The following NCKAP1 variants were observed in gnomAD, a reference collection of about 807,000 sequenced individuals.
The protein encoded by NCKAP1 is nck-associated protein 1.
Under a neutral mutation model 151.2 loss-of-function variants are expected in NCKAP1, and 21 were observed. The observed-to-expected ratio is 0.14, with a 90% CI of 0.10 to 0.20. The LOEUF (loss-of-function observed/expected upper bound fraction) is 0.20, where lower values mean the gene tolerates loss of function less well. Ranked by LOEUF, NCKAP1 falls within the 10% of genes least tolerant of loss-of-function variation. The pLI, the probability that NCKAP1 is intolerant of heterozygous loss-of-function variation, is 1.00. For missense variants in NCKAP1, 933 were observed against 1,352.1 expected (o/e 0.69, Z 4.86); for synonymous variants, 484 against 451.8 (o/e 1.07, Z -0.90).
chr2:182,947,008 G>A (rs536358767), intron 23 of NCKAP1: 1 of 152,376 alleles, frequency 6.6e-6, no homozygotes. Context: ...CAGCCTGCCA[G>A]ATATATAAAA....
rs1696435926 is a variant in NCKAP1 at position 182,914,307 on chromosome 2, T to C, written c.*11395A>G. On this transcript the variant is annotated 3_prime_UTR_variant, in exon 31 of 31. Coordinates refer to ENST00000361354, the MANE Select transcript of NCKAP1 (RefSeq NM_013436.5). Reference sequence around the variant, plus strand: ...TGACATAATATATTATTTCTAACTTTTATAGTTTATGTGAAATGGGGAAGG... The same window carrying C: ...TGACATAATATATTATTTCTAACTTCTATAGTTTATGTGAAATGGGGAAGG... The C allele has an allele frequency of 6.6e-6, 1 of 152,240 alleles. No homozygotes were observed. 9.4% of individuals were successfully genotyped at this position (152,240 alleles called of 1,614,324 possible).
intron 12 of NCKAP1, among the ~76,000 whole-genome samples, chr2:182,982,211 A>G (rs1436011567): frequency 1.3e-5 from 2 of 152,170 alleles, no homozygotes; most frequent in Non-Finnish European, 2.9e-5. Context: ...GAAAACAAAA[A>G]CTTTATCACC....
chr2:183,032,583 AC>A (rs1559113754), intron 1 of NCKAP1, among the ~76,000 whole-genome samples: 1 of 152,222 alleles, frequency 6.6e-6, no homozygotes, highest in East Asian at 1.9e-4. Flanking sequence ...ATAAAAAAAA[AC>A]AGTAAGAATA....
intron 7 of NCKAP1, 116 bp downstream of exon 7, chr2:182,995,585 T>C (rs535469854): frequency 2.1e-6 from 2 of 966,906 alleles, no homozygotes; most frequent in South Asian, 2.0e-5. Context: ...CATTTTATAA[T>C]GAACTTCAAC....
intron 7 of NCKAP1, 87 bp downstream of exon 7, chr2:182,995,614 T>G: frequency 3.1e-6 from 4 of 1,277,204 alleles, no homozygotes; most frequent in Non-Finnish European, 4.4e-6. Context: ...TAATGCTAAT[T>G]AGAAACAAAC....
intron 13 of NCKAP1, among the ~76,000 whole-genome samples, chr2:182,980,305 TA>T (rs914026951): frequency 1.2e-4 from 18 of 151,828 alleles, no homozygotes; most frequent in African/African-American, 4.3e-4. Context: ...TAACTCAAGG[TA>T]AAAAAAATTA....
rs939590768 is a variant in NCKAP1, at chr2:182,913,914, A to G, written c.*11788T>C. On this transcript the variant is annotated 3_prime_UTR_variant, in exon 31 of 31. Coordinates refer to ENST00000361354, the MANE Select transcript of NCKAP1 (RefSeq NM_013436.5). ...TGGTGCACAGTCCATACTCCATGAA[A>G]CTTTCTGCTTAAGTAGCCCCCACAA... The G allele has an allele frequency of 6.6e-6, 1 of 152,222 alleles. No homozygotes were observed. Among genetic ancestry groups the G allele is most frequent in the African/African-American group, 2.4e-5 (1 of 41,408 alleles). 9.4% of individuals were successfully genotyped at this position (152,222 alleles called of 1,614,324 possible). A position where few individuals can be genotyped will look rare whatever the true frequency, so the allele number is the denominator to read the frequency against.
At position 182,945,880 on chromosome 2, in the gene NCKAP1, A is replaced by T. The variant is rs137889517; in HGVS notation, c.2602-3717T>A. ...TATGTTCACTGAAGCACTATTCACA[A>T]CAACAACAAAAAGACATGGAATCAA... On this transcript the variant is annotated intron_variant, in intron 23 of 30. Coordinates refer to ENST00000361354, the MANE Select transcript of NCKAP1 (RefSeq NM_013436.5). 1.9e-3 allele frequency among the ~76,000 whole-genome samples: 295 copies of T among 152,338 alleles called. 3 individuals are homozygous for T. The highest frequency in any genetic ancestry group is 0.016 in the Admixed American group (238 of 15,308).
intron 18 of NCKAP1, among the ~76,000 whole-genome samples, chr2:182,961,210 G>A (rs926281216): frequency 1.4e-4 from 21 of 152,164 alleles, no homozygotes; most frequent in African/African-American, 5.1e-4. Flanking sequence ...AATACCATTT[G>A]ACCCAGCCAT....
chr2:183,029,300 T>C (rs566523414), intron 1 of NCKAP1, among the ~76,000 whole-genome samples: 24 of 152,236 alleles, frequency 1.6e-4, no homozygotes, highest in African/African-American at 5.8e-4. Flanking sequence ...CTAGACCCTA[T>C]GCCATTTTAA....
chr2:182,928,223 T>C lies in NCKAP1; in HGVS notation c.3074A>G (p.His1025Arg). The change falls in exon 29 of 31, where the codon CAT becomes CGT. Residue 1025 changes from histidine to arginine, a missense_variant. Transcript: ENST00000361354. ...MSQYSPAIEG[H>R]CNNIHCLAKA... The stretch of plus-strand genomic sequence containing the variant: ...GGCCAAGCAATGTATGTTGTTGCAA[T>C]GCCCTGAGAAAATGCAAATAGGGTT... 1.2e-6 allele frequency: 2 copies of C among 1,606,988 alleles called. No individual in the cohort carries two copies. Among genetic ancestry groups the C allele is most frequent in the Non-Finnish European group, 1.7e-6 (2 of 1,176,098 alleles).
At chr2:182,983,477 C>CT in intron 10 of NCKAP1, 95 bp from the exon 11 acceptor site, 1 of 829,882 alleles carries the variant, frequency 1.2e-6, no homozygotes. Flanking sequence ...CTTCCAAAGT[C>CT]TTTTTTTAGG....
rs1386199484 is a variant in NCKAP1 at position 183,015,481 on chromosome 2, C to G, written c.219+8325G>C. ...ACAGAAGGTTAGAGGAAAGTAGGCT[C>G]CAGGAAAAAAAAAAAATTATAAAAA... On this transcript the variant is annotated intron_variant, in intron 2 of 30. Transcript: ENST00000361354. Among the ~76,000 whole-genome samples, 6 of 148,582 alleles carry G rather than the reference C, an allele frequency of 4.0e-5. No individual in the cohort carries two copies. The East Asian group carries it at 1.2e-3, about 29-fold the overall frequency.
chr2:183,038,080 T>G lies in NCKAP1; in HGVS notation c.20A>C (p.Gln7Pro). 12 of 1,580,474 alleles carry G rather than the reference T, an allele frequency of 7.6e-6. No individual in the cohort carries two copies. The highest frequency in any genetic ancestry group is 1.0e-5 in the Non-Finnish European group (12 of 1,171,580). ...CTCCGCCAGCTTCTGCTGACTGGGCTGCAGCACTGAGCGCGACATGGTGGT... is the reference window on the plus strand; with the variant it reads ...CTCCGCCAGCTTCTGCTGACTGGGCGGCAGCACTGAGCGCGACATGGTGGT... The part of the protein sequence containing the change: MSRSVL[Q>P]PSQQKLAEKL... Residue 7 changes from glutamine (Q) to proline (P), a missense_variant, in exon 1 of 31, where the codon CAG becomes CCG. Gln to Pro is a moderately conservative substitution (Grantham distance 76). Transcript: ENST00000361354.
chr2:183,037,556 G>A (rs552048122), intron 1 of NCKAP1, among the ~76,000 whole-genome samples: 1 of 152,322 alleles, frequency 6.6e-6, no homozygotes, highest in South Asian at 2.1e-4. Flanking sequence ...GGGATGTGGG[G>A]TGTAATCCCT....
chr2:183,031,341 T>C (rs1367295980), intron 1 of NCKAP1, among the ~76,000 whole-genome samples: 1 of 152,240 alleles, frequency 6.6e-6, no homozygotes, highest in African/African-American at 2.4e-5. Context: ...TACAGGATCA[T>C]CTCAGTTTAT....
At chr2:183,030,432 CAA>C (rs758949227) in intron 1 of NCKAP1, among the ~76,000 whole-genome samples, 6 of 151,936 alleles carry the variant, frequency 3.9e-5, no homozygotes, top group Non-Finnish European at 5.9e-5. Context: ...GGAAAAATGC[CAA>C]AATAGGGAAG....
chr2:183,033,990 T>C lies in NCKAP1; in HGVS notation c.108+4002A>G, dbSNP rs574246697. 3.9e-5 allele frequency among the ~76,000 whole-genome samples: 6 copies of C among 152,346 alleles called. No individual in the cohort carries two copies. In the South Asian group the frequency reaches 1.0e-3, roughly 26 times the overall value. ...GAAACAAAAGATGGATTATTTATCA[T>C]TGCTACTTAAAAATTAAAAATAATT... On this transcript the variant is annotated intron_variant, in intron 1 of 30. Transcript: ENST00000361354.
At chr2:183,021,290 G>A (rs1277334951) in intron 2 of NCKAP1, among the ~76,000 whole-genome samples, 1 of 152,136 alleles carries the variant, frequency 6.6e-6, no homozygotes. Context: ...ACACAACGGA[G>A]TATTATTTGG....
Sources: allele counts gnomAD v4.1 joint callset (sites outside exome capture counted in the v4.1 genomes callset), GRCh38; gene constraint gnomAD v4.1.1; transcripts MANE v1.5; gene names NCBI Gene and HGNC (gene_info 2026-07-23, HGNC 2026-07-21).